GLCCI1: variants seen among roughly 807,000 people sequenced by gnomAD.
GLCCI1 encodes glucocorticoid-induced transcript 1 protein.
Under a neutral mutation model 52.2 loss-of-function variants are expected in GLCCI1, and 24 were observed. The ratio of observed to expected loss-of-function variants is 0.46; its 90% CI spans 0.33 to 0.65. GLCCI1 has a LOEUF of 0.65. GLCCI1 is among the 30% of genes least tolerant of loss of function. The pLI is 0.02. For synonymous variants in GLCCI1, 310 were observed against 276.5 expected (o/e 1.12, Z -1.20); for missense variants, 704 against 701.5 (o/e 1.00, Z -0.04).
intron 2 of GLCCI1, among the ~76,000 whole-genome samples, chr7:8,022,023 C>T (rs992476462): frequency 6.6e-6 from 1 of 152,088 alleles, no homozygotes; most frequent in Admixed American, 6.5e-5. Context: ...TACTCTTCCC[C>T]AAGCACAGAA....
At chr7:8,065,533 T>C (rs754118536) in intron 5 of GLCCI1, among the ~76,000 whole-genome samples, 1 of 152,170 alleles carries the variant, frequency 6.6e-6, no homozygotes, top group Non-Finnish European at 1.5e-5. Flanking sequence ...ACGTTGGCTG[T>C]GGGTTTTTCT....
intron 1 of GLCCI1, among the ~76,000 whole-genome samples, chr7:7,993,476 T>G (rs192919964): frequency 5.9e-5 from 9 of 152,342 alleles, no homozygotes; most frequent in Non-Finnish European, 1.2e-4. Context: ...CTCTAGTATC[T>G]CAGACTTTAT....
Position 7,969,999 on chromosome 7 carries a change from C to T in GLCCI1, c.457+192C>T, listed in dbSNP as rs1780308447. Reference sequence around the variant, plus strand: ...AACTGAAAAGCGACTTTTATTTGACCCTCATGCCGCCCCTCAGAGTCTCTC... The same window carrying T: ...AACTGAAAAGCGACTTTTATTTGACTCTCATGCCGCCCCTCAGAGTCTCTC... On this transcript the variant is annotated intron_variant, in intron 1 of 7. Coordinates refer to ENST00000223145, the MANE Select transcript of GLCCI1 (RefSeq NM_138426.4). The surrounding 1 kb of genome is among the most constrained non-coding windows in gnomAD (Gnocchi z 4.9). The T allele has an allele frequency of 3.4e-6, 2 of 596,756 alleles. No homozygotes were observed. Among genetic ancestry groups the T allele is most frequent in the Non-Finnish European group, 4.5e-6 (2 of 444,958 alleles). The allele number at this position is 596,756 out of a possible 1,614,324, so 37.0% of individuals were successfully genotyped here. A position where few individuals can be genotyped will look rare whatever the true frequency, so the allele number is the denominator to read the frequency against.
chr7:7,984,515 T>C (rs1780682717), intron 1 of GLCCI1, among the ~76,000 whole-genome samples: 2 of 152,208 alleles, frequency 1.3e-5, no homozygotes, highest in African/African-American at 4.8e-5. Flanking sequence ...TTGAACTTCA[T>C]CGTAATGTAA....
chr7:8,081,177 G>T (rs556906101), intron 6 of GLCCI1, among the ~76,000 whole-genome samples: 1 of 152,020 alleles, frequency 6.6e-6, no homozygotes, highest in Non-Finnish European at 1.5e-5. Flanking sequence ...TCAGGTGCAC[G>T]TGGGAGCTTT....
chr7:7,988,017 G>A (rs1293028900), intron 1 of GLCCI1, among the ~76,000 whole-genome samples: 1 of 152,130 alleles, frequency 6.6e-6, no homozygotes, highest in Non-Finnish European at 1.5e-5. Context: ...AGTCTTCTTG[G>A]AGATGAGATG....
At chr7:8,016,757 T>C (rs1219689558) in intron 2 of GLCCI1, among the ~76,000 whole-genome samples, 1 of 152,198 alleles carries the variant, frequency 6.6e-6, no homozygotes, top group Non-Finnish European at 1.5e-5. Flanking sequence ...CATGTTAAGC[T>C]TCTAGCACAG....
At chr7:8,081,019 AG>A (rs1164116558) in intron 6 of GLCCI1, among the ~76,000 whole-genome samples, 1 of 152,024 alleles carries the variant, frequency 6.6e-6, no homozygotes, top group Non-Finnish European at 1.5e-5. Flanking sequence ...CTATCATGTC[AG>A]TGGTATTTTC....
At chr7:7,992,606 A>C (rs1475404277) in intron 1 of GLCCI1, among the ~76,000 whole-genome samples, 1 of 151,990 alleles carries the variant, frequency 6.6e-6, no homozygotes, top group Non-Finnish European at 1.5e-5. Context: ...ATGTCCTTTC[A>C]AGTTATCTTT....
At chr7:8,040,815 T>G (rs144856939) in intron 3 of GLCCI1, among the ~76,000 whole-genome samples, 1 of 152,222 alleles carries the variant, frequency 6.6e-6, no homozygotes. Context: ...TCATTCAAAC[T>G]TAATCCGTAA....
chr7:7,996,248 T>G (rs1780934946), intron 1 of GLCCI1, among the ~76,000 whole-genome samples: 1 of 152,218 alleles, frequency 6.6e-6, no homozygotes. Context: ...TTAGTCATAG[T>G]GGATTTTAGA....
At chr7:7,971,622 A>G (rs546604647) in intron 1 of GLCCI1, among the ~76,000 whole-genome samples, 1 of 152,292 alleles carries the variant, frequency 6.6e-6, no homozygotes, top group African/African-American at 2.4e-5. Context: ...TATAAACACT[A>G]ACATCTTACA....
intron 1 of GLCCI1, among the ~76,000 whole-genome samples, chr7:8,002,611 G>A (rs774294985): frequency 1.3e-5 from 2 of 152,144 alleles, no homozygotes; most frequent in Non-Finnish European, 2.9e-5. Context: ...GGTAAACTAT[G>A]TATTCTGATT....
At chr7:8,027,442 C>T (rs544874655) in intron 3 of GLCCI1, among the ~76,000 whole-genome samples, 27 of 152,078 alleles carry the variant, frequency 1.8e-4, no homozygotes, top group East Asian at 3.9e-4. Context: ...GAGCCAAGAT[C>T]GCACCACTGT....
At chr7:8,075,074 G>A (rs985791919) in intron 6 of GLCCI1, among the ~76,000 whole-genome samples, 4 of 152,092 alleles carry the variant, frequency 2.6e-5, no homozygotes, top group African/African-American at 9.7e-5. Flanking sequence ...CATCATTTTT[G>A]TGTGTTCCTA....
At chr7:8,026,935 C>A (rs1320494264) in intron 3 of GLCCI1, among the ~76,000 whole-genome samples, 1 of 152,202 alleles carries the variant, frequency 6.6e-6, no homozygotes, top group East Asian at 1.9e-4. Flanking sequence ...AGGTATAACT[C>A]TACAAATCTG....
intron 3 of GLCCI1, among the ~76,000 whole-genome samples, chr7:8,023,588 CTTTTTTTTTTTTTT>C (rs571726894): frequency 1.7e-4 from 7 of 41,984 alleles, no homozygotes; most frequent in Non-Finnish European, 3.0e-4. Context: ...CTCTGTTATT[CTTTTTTTTTTTTTT>C]TTTTTTTTTT....
chr7:7,980,446 A>T lies in GLCCI1; in HGVS notation c.457+10639A>T, dbSNP rs1344953862. ...GGCATTTGTGATGGCAGTGCCAAGC[A>T]TCTAGAAGGTACTCGCCTGCTTTAA... On this transcript the variant is annotated intron_variant, in intron 1 of 7. Coordinates refer to ENST00000223145, the MANE Select transcript of GLCCI1 (RefSeq NM_138426.4). 42 of 268,270 alleles carry T rather than the reference A, an allele frequency of 1.6e-4. No individual in the cohort carries two copies. In the East Asian group the frequency reaches 3.2e-3, roughly 21 times the overall value. 16.6% of individuals were successfully genotyped at this position (268,270 alleles called of 1,614,324 possible).
intron 3 of GLCCI1, among the ~76,000 whole-genome samples, chr7:8,027,929 T>G (rs1403235407): frequency 6.6e-6 from 1 of 152,172 alleles, no homozygotes; most frequent in Non-Finnish European, 1.5e-5. Context: ...TGATTGTAAG[T>G]ATATATGTAC....
Sources: allele counts gnomAD v4.1 joint callset (sites outside exome capture counted in the v4.1 genomes callset), GRCh38; gene constraint gnomAD v4.1.1; non-coding constraint Gnocchi (gnomAD v3.1); transcripts MANE v1.5; gene names NCBI Gene and HGNC (gene_info 2026-07-23, HGNC 2026-07-21).